VPS35L: variants seen among roughly 807,000 people sequenced by gnomAD.
The protein encoded by VPS35L is VPS35 endosomal protein sorting factor like.
VPS35L carries 83 observed loss-of-function variants against 133.0 expected under a neutral mutation model. That is an observed-to-expected ratio of 0.62 (90% CI 0.52 to 0.75). The LOEUF (loss-of-function observed/expected upper bound fraction) is 0.75, where lower values mean the gene tolerates loss of function less well. VPS35L is among the 30% of genes least tolerant of loss of function. The pLI, the probability that VPS35L is intolerant of heterozygous loss-of-function variation, is 0.00. For missense variants in VPS35L, 1,083 were observed against 1,206.8 expected (o/e 0.90, Z 1.52); for synonymous variants, 423 against 449.9 (o/e 0.94, Z 0.76).
intron 9 of VPS35L, among the ~76,000 whole-genome samples, chr16:19,605,702 C>G (rs1471080267): frequency 6.6e-6 from 1 of 152,242 alleles, no homozygotes; most frequent in Non-Finnish European, 1.5e-5. Context: ...GGAGCCTTCT[C>G]TGACCACTAC....
At chr16:19,649,290 A>G (rs1235315206) in intron 24 of VPS35L, among the ~76,000 whole-genome samples, 2 of 152,124 alleles carry the variant, frequency 1.3e-5, no homozygotes, top group African/African-American at 4.8e-5. Context: ...AAGCCCTGCC[A>G]ATTTTTTTCT....
Position 19,567,822 on chromosome 16 carries a change from A to G in VPS35L, c.118-1602A>G, listed in dbSNP as rs540014157. Among the ~76,000 whole-genome samples the G allele has an allele frequency of 4.8e-4, 73 of 152,184 alleles. 1 individual carries two copies. The South Asian group carries it at 0.014, about 30-fold the overall frequency. Reference sequence around the variant, plus strand: ...CACTTCTACAAAAAGTAAAAAAACAATTAGCAAAGTGTGATGGTGTGCTTG... The same window carrying G: ...CACTTCTACAAAAAGTAAAAAAACAGTTAGCAAAGTGTGATGGTGTGCTTG... On this transcript the variant is annotated intron_variant, in intron 2 of 30. Coordinates refer to ENST00000417362, the MANE Select transcript of VPS35L (RefSeq NM_020314.7).
chr16:19,571,513 C>T (rs1971383770), intron 3 of VPS35L, among the ~76,000 whole-genome samples: 1 of 151,910 alleles, frequency 6.6e-6, no homozygotes, highest in Non-Finnish European at 1.5e-5. Flanking sequence ...CCACTGCACC[C>T]CACAACTTTT....
At chr16:19,608,469 T>C in intron 10 of VPS35L, 195 bp downstream of exon 10, 1 of 538,542 alleles carries the variant, frequency 1.9e-6, no homozygotes, top group Non-Finnish European at 3.3e-6. Context: ...TTCCAGTTTT[T>C]TGTCTTTTAC....
chr16:19,664,585 A>T (rs1313422585), intron 26 of VPS35L, among the ~76,000 whole-genome samples: 1 of 151,974 alleles, frequency 6.6e-6, no homozygotes, highest in Non-Finnish European at 1.5e-5. Context: ...CAGAAAAAAA[A>T]AAAAGGTATA....
At chr16:19,673,175 GGGAT>G (rs1389633646) in intron 27 of VPS35L, among the ~76,000 whole-genome samples, 1 of 152,224 alleles carries the variant, frequency 6.6e-6, no homozygotes, top group African/African-American at 2.4e-5. Flanking sequence ...CTCTGTCCCT[GGGAT>G]TACAGATTGA....
chr16:19,655,367 T>G (rs1310051119), intron 26 of VPS35L, among the ~76,000 whole-genome samples: 2 of 152,236 alleles, frequency 1.3e-5, no homozygotes, highest in Non-Finnish European at 2.9e-5. Context: ...ATTCAATTAC[T>G]GAGAATGAGA....
chr16:19,653,979 C>T (rs985835570), intron 26 of VPS35L, among the ~76,000 whole-genome samples: 1 of 152,038 alleles, frequency 6.6e-6, no homozygotes, highest in African/African-American at 2.4e-5. Context: ...CTGGTGCCTG[C>T]CCACCTCCAT....
chr16:19,597,541 G>A (rs1030916298), intron 8 of VPS35L, among the ~76,000 whole-genome samples: 1 of 152,198 alleles, frequency 6.6e-6, no homozygotes, highest in Non-Finnish European at 1.5e-5. Flanking sequence ...AACTGCGCTC[G>A]GTACCTTCTG....
intron 9 of VPS35L, among the ~76,000 whole-genome samples, chr16:19,605,071 A>G (rs969381612): frequency 2.6e-5 from 4 of 152,196 alleles, no homozygotes; most frequent in Non-Finnish European, 4.4e-5. Flanking sequence ...CGGGATAAGC[A>G]GTGGCCTTAA....
intron 29 of VPS35L, among the ~76,000 whole-genome samples, chr16:19,697,617 GT>G (rs1975960856): frequency 6.6e-6 from 1 of 152,122 alleles, no homozygotes; most frequent in African/African-American, 2.4e-5. Flanking sequence ...TCTGTGGAAC[GT>G]TGGATGGATA....
At chr16:19,558,613 A>G (rs226885) in intron 1 of VPS35L, among the ~76,000 whole-genome samples, 15,530 of 152,192 alleles carry the variant, frequency 0.1, 889 homozygotes, top group African/African-American at 0.16. Flanking sequence ...CTGTGGTTAT[A>G]GCACACTTGG....
chr16:19,644,849 T>C, intron 22 of VPS35L, 37 bp from the exon 23 acceptor site: 1 of 1,444,356 alleles, frequency 6.9e-7, no homozygotes, highest in Non-Finnish European at 9.6e-7. Context: ...TTTCATCTAT[T>C]ACCTCCGTGT....
chr16:19,570,889 ATT>A (rs1489865417), intron 3 of VPS35L, among the ~76,000 whole-genome samples: 2 of 91,852 alleles, frequency 2.2e-5, no homozygotes, highest in South Asian at 3.4e-4. Flanking sequence ...ATATATATAT[ATT>A]TTTGAGATGA....
chr16:19,640,036 G>T lies in VPS35L; in HGVS notation c.1720G>T (p.Asp574Tyr), dbSNP rs1194845080. 1.9e-6 allele frequency: 3 copies of T among 1,614,142 alleles called. No homozygotes were observed. Among genetic ancestry groups the T allele is most frequent in the Non-Finnish European group, 2.5e-6 (3 of 1,180,018 alleles). Reference protein sequence around the residue: ...FSVEKFLPFLDMFQKESVRVE... With the variant: ...FSVEKFLPFLYMFQKESVRVE... ...ATAGGAAAAATTTCTGCCGTTTCTG[G>T]ACATGTTCCAAAAAGAGAGTGTGCG... The change falls in exon 21 of 31, where the codon GAC (aspartate) becomes TAC (tyrosine). Residue 574 changes from aspartate to tyrosine, a missense_variant. Asp to Tyr is a radical substitution (Grantham distance 160, BLOSUM62 -3). Coordinates refer to ENST00000417362, the MANE Select transcript of VPS35L (RefSeq NM_020314.7).
At chr16:19,647,658 A>AG in intron 23 of VPS35L, 126 bp from the exon 24 acceptor site, 3 of 751,444 alleles carry the variant, frequency 4.0e-6, no homozygotes, top group Non-Finnish European at 2.3e-6. Flanking sequence ...TCGACTTCTT[A>AG]GGTTCTAGTC....
chr16:19,633,670 A>C lies in VPS35L; in HGVS notation c.1635+498A>C, dbSNP rs950578938. On this transcript the variant is annotated intron_variant, in intron 19 of 30. Coordinates refer to ENST00000417362, the MANE Select transcript of VPS35L (RefSeq NM_020314.7). The surrounding 1 kb of genome is among the most constrained non-coding windows in gnomAD (Gnocchi z 4.1). ...TTAAGCTTATTGGAAAGTTAAAAGA[A>C]AGCTCAAAGAATTCCTATTATTCTT... Among the ~76,000 whole-genome samples, 1 of 152,146 alleles carries C rather than the reference A, an allele frequency of 6.6e-6. No individual in the cohort carries two copies. The highest frequency in any genetic ancestry group is 2.4e-5 in the African/African-American group (1 of 41,430).
intron 7 of VPS35L, 39 bp downstream of exon 7, chr16:19,581,692 C>T (rs762041681): frequency 1.3e-6 from 2 of 1,594,306 alleles, no homozygotes; most frequent in Non-Finnish European, 1.7e-6. Context: ...CCAGAATTTC[C>T]TATGTAAAAT....
intron 2 of VPS35L, 109 bp downstream of exon 2, chr16:19,565,059 G>A: frequency 2.7e-6 from 2 of 728,990 alleles, no homozygotes; most frequent in Non-Finnish European, 4.2e-6. Context: ...TTGCATATTT[G>A]ATTTTTTTTT....
Sources: gnomAD v4.1 joint callset for allele counts (sites outside exome capture counted in the v4.1 genomes callset) on GRCh38, gnomAD v4.1.1 for gene constraint, Gnocchi (gnomAD v3.1) non-coding constraint, MANE v1.5 for transcripts, NCBI Gene and HGNC (gene_info 2026-07-23, HGNC 2026-07-21) for gene names.